TMEM266: variants seen among roughly 807,000 people sequenced by gnomAD.
TMEM266 encodes the protein transmembrane protein 266, also known as Hv1 related protein 1.
TMEM266 carries 33 observed loss-of-function variants against 50.5 expected under a neutral mutation model. The observed-to-expected ratio is 0.65, with a 90% CI of 0.50 to 0.87. TMEM266 has a LOEUF of 0.87. Among genes scored for constraint, TMEM266 ranks in the 40% least tolerant of loss-of-function variants. TMEM266 has a pLI of 0.00. For missense variants in TMEM266, 655 were observed against 695.1 expected (o/e 0.94, Z 0.65); for synonymous variants, 310 against 292.3 (o/e 1.06, Z -0.62).
chr15:76,092,557 G>A (rs1190048599), intron 1 of TMEM266, among the ~76,000 whole-genome samples: 1 of 151,852 alleles, frequency 6.6e-6, no homozygotes, highest in Non-Finnish European at 1.5e-5. Flanking sequence ...GGGCTTGGTG[G>A]TAGGTGCCTG....
chr15:76,175,495 C>T (rs550749507), intron 7 of TMEM266, 64 bp from the exon 8 acceptor site: 24 of 1,314,128 alleles, frequency 1.8e-5, no homozygotes, highest in East Asian at 7.1e-5. Context: ...ATGCTGGGCC[C>T]GCCCTTCCCT....
intron 1 of TMEM266, among the ~76,000 whole-genome samples, chr15:76,082,484 T>C (rs1428941788): frequency 6.6e-6 from 1 of 152,222 alleles, no homozygotes; most frequent in East Asian, 1.9e-4. Flanking sequence ...CAGAGTATTA[T>C]GATGGAGTCA....
intron 1 of TMEM266, among the ~76,000 whole-genome samples, chr15:76,111,062 G>A (rs992402965): frequency 8.6e-5 from 13 of 151,120 alleles, no homozygotes; most frequent in African/African-American, 3.2e-4. Context: ...AGCCACTTTG[G>A]AAGACACACT....
chr15:76,144,746 A>G (rs1325065561), intron 3 of TMEM266, among the ~76,000 whole-genome samples: 1 of 152,026 alleles, frequency 6.6e-6, no homozygotes, highest in South Asian at 2.1e-4. Context: ...CCCTCCCTCA[A>G]TAGTCATCAC....
At chr15:76,156,544 G>A in intron 3 of TMEM266, 60 bp from the exon 4 acceptor site, 1 of 1,577,378 alleles carries the variant, frequency 6.3e-7, no homozygotes, top group South Asian at 1.2e-5. Context: ...TTTGGCCGGG[G>A]TCCACCCTCT....
chr15:76,068,649 T>G (rs1567139061), intron 1 of TMEM266, among the ~76,000 whole-genome samples: 2 of 152,188 alleles, frequency 1.3e-5, no homozygotes, highest in Non-Finnish European at 2.9e-5. Context: ...CTCTCCTGCT[T>G]CCATGTGAGG....
rs886275657 is a variant in TMEM266, at chr15:76,139,054, G to A, written c.227+1159G>A. Among the ~76,000 whole-genome samples, 4 of 152,146 alleles carry A rather than the reference G, an allele frequency of 2.6e-5. No individual in the cohort carries two copies. Among genetic ancestry groups the A allele is most frequent in the Non-Finnish European group, 5.9e-5 (4 of 68,020 alleles). On this transcript the variant is annotated intron_variant, in intron 3 of 10. Coordinates refer to ENST00000388942, the MANE Select transcript of TMEM266 (RefSeq NM_152335.3). This position sits in a 1 kb window ranked among gnomAD's most constrained non-coding sequence, Gnocchi z 4.1. Reference sequence around the variant, plus strand: ...TGGCAGGACCTTAGGAGCCAGTTCTGGACTTTTCTTTCCTGGGTGCCAGTA... The same window carrying A: ...TGGCAGGACCTTAGGAGCCAGTTCTAGACTTTTCTTTCCTGGGTGCCAGTA...
chr15:76,159,920 C>T (rs1243641651), intron 4 of TMEM266, among the ~76,000 whole-genome samples, 175 bp from the exon 5 acceptor site: 1 of 152,188 alleles, frequency 6.6e-6, no homozygotes, highest in African/African-American at 2.4e-5. Context: ...CTACTGCCTT[C>T]ACTGCAGACG....
At chr15:76,127,738 C>T (rs953477235) in intron 1 of TMEM266, among the ~76,000 whole-genome samples, 3 of 152,140 alleles carry the variant, frequency 2.0e-5, no homozygotes, top group Non-Finnish European at 4.4e-5. Context: ...ATAGCTTCTG[C>T]TAATTCCAAC....
intron 1 of TMEM266, among the ~76,000 whole-genome samples, chr15:76,124,184 C>G (rs575968017): frequency 4.6e-5 from 7 of 152,196 alleles, no homozygotes; most frequent in Non-Finnish European, 7.3e-5. Flanking sequence ...AAGATCAAAG[C>G]CTTGTAAAGA....
intron 1 of TMEM266, among the ~76,000 whole-genome samples, chr15:76,119,407 A>AG (rs1430942385): frequency 1.3e-5 from 2 of 151,060 alleles, no homozygotes; most frequent in Non-Finnish European, 3.0e-5. Context: ...AAAAAAAAAA[A>AG]AAAAAGAAAA....
intron 1 of TMEM266, among the ~76,000 whole-genome samples, chr15:76,080,463 G>GC (rs755292175): frequency 9.3e-5 from 14 of 150,666 alleles, no homozygotes; most frequent in Middle Eastern, 3.4e-3. Context: ...TGTTGGTCAG[G>GC]TGGTCTCGAA....
At chr15:76,130,873 T>C (rs914600550) in intron 1 of TMEM266, among the ~76,000 whole-genome samples, 26 of 152,352 alleles carry the variant, frequency 1.7e-4, no homozygotes, top group Non-Finnish European at 3.2e-4. Context: ...ATATGTTTTA[T>C]ATTGGCTGTA....
chr15:76,097,639 G>A (rs1414112943), intron 1 of TMEM266, among the ~76,000 whole-genome samples: 1 of 151,786 alleles, frequency 6.6e-6, no homozygotes, highest in Non-Finnish European at 1.5e-5. Context: ...TTGAATGTTG[G>A]CCTGTCTTGC....
chr15:76,073,420 A>G (rs1293244217), intron 1 of TMEM266, among the ~76,000 whole-genome samples: 1 of 151,666 alleles, frequency 6.6e-6, no homozygotes. Flanking sequence ...TTTAGTAGAG[A>G]CGGGGTTTCA....
rs534655801 is a variant in TMEM266 at position 76,134,552 on chromosome 15, C to T, written c.38+251C>T. Reference sequence around the variant, plus strand: ...TTCTAAAACCAGGCTTTATGAAACCCGGGGCAGAATTCTTAAGGGAGAATT... The same window carrying T: ...TTCTAAAACCAGGCTTTATGAAACCTGGGGCAGAATTCTTAAGGGAGAATT... On this transcript the variant is annotated intron_variant, in intron 2 of 10. Transcript: ENST00000388942. 1.0e-3 allele frequency among the ~76,000 whole-genome samples: 157 copies of T among 152,286 alleles called. 2 individuals carry two copies. The highest frequency in any genetic ancestry group is 3.6e-3 in the African/African-American group (150 of 41,562).
At chr15:76,200,926 G>A (rs1246573001) in intron 9 of TMEM266, among the ~76,000 whole-genome samples, 1 of 152,184 alleles carries the variant, frequency 6.6e-6, no homozygotes, top group African/African-American at 2.4e-5. Context: ...AGGCCCTTCT[G>A]TGCTGCCTCC....
intron 3 of TMEM266, among the ~76,000 whole-genome samples, chr15:76,151,455 C>A (rs1328408770): frequency 6.6e-6 from 1 of 152,040 alleles, no homozygotes; most frequent in Non-Finnish European, 1.5e-5. Flanking sequence ...CAGCCCCCAA[C>A]CCACCCTCCA....
At chr15:76,148,985 T>C (rs2037798070) in intron 3 of TMEM266, among the ~76,000 whole-genome samples, 1 of 152,124 alleles carries the variant, frequency 6.6e-6, no homozygotes, top group African/African-American at 2.4e-5. Flanking sequence ...TTCACCTCCA[T>C]CCTGAGAGTT....
Sources: gnomAD v4.1 joint callset for allele counts (sites outside exome capture counted in the v4.1 genomes callset) on GRCh38, gnomAD v4.1.1 for gene constraint, Gnocchi (gnomAD v3.1) non-coding constraint, MANE v1.5 for transcripts, NCBI Gene and HGNC (gene_info 2026-07-23, HGNC 2026-07-21) for gene names.